SH3RF3: variants seen among roughly 807,000 people sequenced by gnomAD.
SH3RF3 encodes SH3 domain containing ring finger 3, also known as E3 ubiquitin-protein ligase SH3RF3.
SH3RF3 carries 29 observed loss-of-function variants against 66.3 expected under a neutral mutation model. That is an observed-to-expected ratio of 0.44 (90% CI 0.33 to 0.60). The LOEUF (loss-of-function observed/expected upper bound fraction) is 0.60, where lower values mean the gene tolerates loss of function less well. Ranked by LOEUF, SH3RF3 falls within the 20% of genes least tolerant of loss-of-function variation. SH3RF3 has a pLI of 0.04. For synonymous variants in SH3RF3, 583 were observed against 532.0 expected (o/e 1.10, Z -1.32); for missense variants, 1,194 against 1,190.9 (o/e 1.00, Z -0.04).
chr2:109,488,572 A>C (rs1205418229), intron 8 of SH3RF3, among the ~76,000 whole-genome samples: 3 of 152,082 alleles, frequency 2.0e-5, no homozygotes, highest in African/African-American at 7.2e-5. Context: ...CCCCACTCAG[A>C]TCCCAGGGTT....
At chr2:109,346,114 G>A (rs1559035132) in intron 1 of SH3RF3, among the ~76,000 whole-genome samples, 1 of 152,170 alleles carries the variant, frequency 6.6e-6, no homozygotes, top group Non-Finnish European at 1.5e-5. Flanking sequence ...CTAAAATTGG[G>A]GCTCGTTACA....
At chr2:109,295,612 A>G (rs1681288769) in intron 1 of SH3RF3, among the ~76,000 whole-genome samples, 1 of 152,202 alleles carries the variant, frequency 6.6e-6, no homozygotes, top group South Asian at 2.1e-4. Flanking sequence ...AGCCACCTGC[A>G]AGTGCCCAGG....
Position 109,435,594 on chromosome 2 carries a change from C to T in SH3RF3, c.1575-1299C>T, listed in dbSNP as rs548428507. Among the ~76,000 whole-genome samples the T allele has an allele frequency of 2.2e-4, 33 of 152,274 alleles. 1 individual carries two copies. Among genetic ancestry groups the T allele is most frequent in the Admixed American group, 1.4e-3 (21 of 15,300 alleles). On this transcript the variant is annotated intron_variant, in intron 6 of 9. Coordinates refer to ENST00000309415, the MANE Select transcript of SH3RF3 (RefSeq NM_001099289.3). The stretch of plus-strand genomic sequence containing the variant: ...GTATGTGGCTCTTCCCGTGAGGGCA[C>T]GCACTAAGGAAGTAGGACTAGCCAA...
chr2:109,452,557 A>G (rs1235121298), intron 8 of SH3RF3, among the ~76,000 whole-genome samples: 4 of 152,206 alleles, frequency 2.6e-5, no homozygotes, highest in African/African-American at 9.6e-5. Context: ...GGCAGGGTGG[A>G]TACAGCTCCT....
chr2:109,490,997 C>G, intron 9 of SH3RF3, 61 bp downstream of exon 9: 1 of 1,374,954 alleles, frequency 7.3e-7, no homozygotes, highest in Admixed American at 3.0e-5. Context: ...AGGTCTGGAG[C>G]CACCTTCGGG....
chr2:109,301,329 GT>G (rs1681461083), intron 1 of SH3RF3, among the ~76,000 whole-genome samples: 1 of 99,552 alleles, frequency 1.0e-5, no homozygotes, highest in Admixed American at 1.0e-4. Context: ...CTGTGTATCT[GT>G]GTGACGTGTG....
intron 1 of SH3RF3, among the ~76,000 whole-genome samples, chr2:109,185,760 T>C (rs1333080468): frequency 2.0e-5 from 3 of 152,222 alleles, no homozygotes; most frequent in Non-Finnish European, 2.9e-5. Flanking sequence ...GGATTTTATA[T>C]TGTGATTTCA....
chr2:109,250,399 A>G (rs560761724), intron 1 of SH3RF3, among the ~76,000 whole-genome samples: 2 of 152,202 alleles, frequency 1.3e-5, no homozygotes, highest in East Asian at 3.9e-4. Flanking sequence ...AGCTTGTATT[A>G]TATACAACTT....
chr2:109,326,678 T>C (rs1682167159), intron 1 of SH3RF3, among the ~76,000 whole-genome samples: 1 of 152,358 alleles, frequency 6.6e-6, no homozygotes, highest in South Asian at 2.1e-4. Flanking sequence ...TTAACTTATC[T>C]TTTTCTTGAA....
intron 1 of SH3RF3, among the ~76,000 whole-genome samples, chr2:109,337,784 G>A (rs1418528080): frequency 6.6e-6 from 1 of 152,020 alleles, no homozygotes. Context: ...CTGGACTGCA[G>A]TGGCATAATC....
chr2:109,372,146 T>C (rs181889189), intron 3 of SH3RF3, among the ~76,000 whole-genome samples: 1 of 152,260 alleles, frequency 6.6e-6, no homozygotes, highest in African/African-American at 2.4e-5. Flanking sequence ...GGACTCAGGG[T>C]TATTGGGCAA....
At chr2:109,134,781 C>A (rs774934324) in intron 1 of SH3RF3, among the ~76,000 whole-genome samples, 2 of 152,222 alleles carry the variant, frequency 1.3e-5, no homozygotes, top group Non-Finnish European at 2.9e-5. Context: ...GCCACCCCTT[C>A]CATTCACCGT....
intron 6 of SH3RF3, among the ~76,000 whole-genome samples, chr2:109,433,298 G>A (rs1677299758): frequency 1.3e-5 from 2 of 152,272 alleles, no homozygotes; most frequent in South Asian, 4.1e-4. Context: ...GTCAACGATT[G>A]TTGAGTGGTC....
intron 1 of SH3RF3, among the ~76,000 whole-genome samples, chr2:109,280,342 G>A (rs1294158911): frequency 6.6e-6 from 1 of 152,190 alleles, no homozygotes; most frequent in African/African-American, 2.4e-5. Flanking sequence ...CCCACAGCCA[G>A]CCAGTGGCAG....
chr2:109,367,568 C>A (rs1683175447), intron 2 of SH3RF3, among the ~76,000 whole-genome samples: 1 of 152,230 alleles, frequency 6.6e-6, no homozygotes, highest in South Asian at 2.1e-4. Flanking sequence ...AGGCATGAGC[C>A]ACTGTGCCTG....
intron 5 of SH3RF3, among the ~76,000 whole-genome samples, chr2:109,427,834 T>G (rs1677069337): frequency 6.6e-6 from 1 of 152,244 alleles, no homozygotes; most frequent in South Asian, 2.1e-4. Flanking sequence ...CAGACCATGA[T>G]GTCAGCCCTC....
At chr2:109,395,544 A>G (rs1406523365) in intron 3 of SH3RF3, among the ~76,000 whole-genome samples, 1 of 151,872 alleles carries the variant, frequency 6.6e-6, no homozygotes, top group Non-Finnish European at 1.5e-5. Flanking sequence ...GAAGCTGCCT[A>G]TCTTGGTGGA....
chr2:109,472,142 C>T (rs1678533424), intron 8 of SH3RF3, among the ~76,000 whole-genome samples: 1 of 152,248 alleles, frequency 6.6e-6, no homozygotes, highest in Non-Finnish European at 1.5e-5. Context: ...TTAACAACCA[C>T]CTGTGACCTC....
At chr2:109,270,503 G>T (rs1254395747) in intron 1 of SH3RF3, among the ~76,000 whole-genome samples, 2 of 152,190 alleles carry the variant, frequency 1.3e-5, no homozygotes, top group Non-Finnish European at 2.9e-5. Context: ...ACTTAATGTG[G>T]ACAGGAGGGT....
Sources: gnomAD v4.1 joint callset for allele counts (sites outside exome capture counted in the v4.1 genomes callset) on GRCh38, gnomAD v4.1.1 for gene constraint, MANE v1.5 for transcripts, NCBI Gene and HGNC (gene_info 2026-07-23, HGNC 2026-07-21) for gene names.